The following VPS13D variants were observed in gnomAD, a reference collection of about 807,000 sequenced individuals.
VPS13D encodes vacuolar protein sorting 13 homolog D.
VPS13D carries 187 observed loss-of-function variants against 461.9 expected under a neutral mutation model. The observed-to-expected ratio is 0.40, with a 90% CI of 0.36 to 0.46. The LOEUF is 0.46. Ranked by LOEUF, VPS13D falls within the 20% of genes least tolerant of loss-of-function variation. The pLI, the probability that VPS13D is intolerant of heterozygous loss-of-function variation, is 0.60. For synonymous variants in VPS13D, 1,951 were observed against 1,986.3 expected, an observed-to-expected ratio of 0.98 and a Z score of 0.47; for missense variants, 4,711 against 5,364.9, an observed-to-expected ratio of 0.88 and a Z score of 3.81.
chr1:12,431,712 C>G (rs1403542529), intron 65 of VPS13D, among the ~76,000 whole-genome samples: 1 of 152,050 alleles, frequency 6.6e-6, no homozygotes, highest in East Asian at 1.9e-4. Context: ...GTTTGTTGCA[C>G]TGAACCAGTC....
intron 35 of VPS13D, among the ~76,000 whole-genome samples, chr1:12,324,205 G>A (rs1418789356): frequency 6.6e-6 from 1 of 152,128 alleles, no homozygotes; most frequent in Non-Finnish European, 1.5e-5. Flanking sequence ...CTTTAGTAGT[G>A]GATAAGAATT....
At chr1:12,477,834 C>A (rs1183447999) in intron 67 of VPS13D, among the ~76,000 whole-genome samples, 1 of 151,902 alleles carries the variant, frequency 6.6e-6, no homozygotes, top group Non-Finnish European at 1.5e-5. Context: ...AGCTAGTAAC[C>A]AGGGTTGGCA....
intron 67 of VPS13D, among the ~76,000 whole-genome samples, chr1:12,469,689 T>C (rs1645538360): frequency 6.6e-6 from 1 of 152,252 alleles, no homozygotes; most frequent in Non-Finnish European, 1.5e-5. Context: ...TCAGCCCTCC[T>C]GGTTTGCTCC....
chr1:12,236,010 G>A (rs548631111), intron 2 of VPS13D, among the ~76,000 whole-genome samples: 1 of 152,318 alleles, frequency 6.6e-6, no homozygotes, highest in South Asian at 2.1e-4. Context: ...GTGTTACAGA[G>A]TCGTACTAAC....
At chr1:12,275,026 C>T (rs901471436) in intron 18 of VPS13D, among the ~76,000 whole-genome samples, 13 of 152,214 alleles carry the variant, frequency 8.5e-5, no homozygotes, top group African/African-American at 2.6e-4. Context: ...CGAGACCAGT[C>T]TGGCCAACAT....
At chr1:12,382,294 G>A (rs1644293554) in intron 57 of VPS13D, among the ~76,000 whole-genome samples, 1 of 152,034 alleles carries the variant, frequency 6.6e-6, no homozygotes, top group African/African-American at 2.4e-5. Context: ...TAGAGATAGG[G>A]TTTCACCATG....
At chr1:12,381,921 CTTTTCTTT>C (rs1288958507) in intron 57 of VPS13D, among the ~76,000 whole-genome samples, 9 of 80,896 alleles carry the variant, frequency 1.1e-4, no homozygotes, top group East Asian at 2.7e-4. Context: ...TCTTTCTTTT[CTTTTCTTT>C]CTTTCTTTCT....
At chr1:12,479,991 C>G (rs1410882163) in intron 67 of VPS13D, among the ~76,000 whole-genome samples, 1 of 152,152 alleles carries the variant, frequency 6.6e-6, no homozygotes, top group African/African-American at 2.4e-5. Flanking sequence ...TCAAGGGCCT[C>G]TTTGGGCCAA....
Position 12,506,865 on chromosome 1 carries a change from G to A in VPS13D, c.12807G>A (p.Val4269=). 1.2e-6 allele frequency: 2 copies of A among 1,614,226 alleles called. No homozygotes were observed. The highest frequency in any genetic ancestry group is 1.7e-6 in the Non-Finnish European group (2 of 1,180,008). The change falls in exon 69 of 70, where the codon GTG becomes GTA. Residue 4269 remains valine, a synonymous_variant. Transcript: ENST00000620676. ...DNIQDEFFIA[V]ENIDSYCVLI... ...TCTCGCTTTGCAGCTTCATCGCTGT[G>A]GAGAACATTGACAGCTACTGCGTGC... is the stretch of plus-strand genomic sequence containing the variant.
At chr1:12,292,494 C>CAGT (rs1327708720) in intron 23 of VPS13D, among the ~76,000 whole-genome samples, 6 of 135,892 alleles carry the variant, frequency 4.4e-5, no homozygotes, top group African/African-American at 1.1e-4. Flanking sequence ...GACTGGAGTG[C>CAGT]AGTAGTGTGA....
intron 68 of VPS13D, among the ~76,000 whole-genome samples, chr1:12,501,250 C>T (rs184829850): frequency 3.3e-5 from 5 of 152,178 alleles, no homozygotes; most frequent in Non-Finnish European, 7.4e-5. Context: ...ATTCTAATAG[C>T]ATATCATTAT....
chr1:12,289,052 G>A (rs1642052045), intron 22 of VPS13D, among the ~76,000 whole-genome samples: 1 of 152,082 alleles, frequency 6.6e-6, no homozygotes, highest in African/African-American at 2.4e-5. Flanking sequence ...GTGTTGGCCA[G>A]GCTATTCTCG....
chr1:12,318,457 T>C, intron 31 of VPS13D, 120 bp downstream of exon 31: 2 of 1,285,324 alleles, frequency 1.6e-6, no homozygotes, highest in Non-Finnish European at 2.1e-6. Context: ...CACATTTGCC[T>C]CTTTTACAGA....
chr1:12,313,993 G>C (rs1399445971), intron 29 of VPS13D, 122 bp from the exon 30 acceptor site: 2 of 794,330 alleles, frequency 2.5e-6, no homozygotes, highest in Non-Finnish European at 4.0e-6. Flanking sequence ...CAGAATGAAA[G>C]TTATTCTCCT....
Position 12,502,062 on chromosome 1 carries a change from C to G in VPS13D, c.12794+4431C>G, listed in dbSNP as rs1405514695. 2.0e-5 allele frequency among the ~76,000 whole-genome samples: 3 copies of G among 152,232 alleles called. No individual in the cohort carries two copies. The South Asian group carries it at 6.2e-4, about 32-fold the overall frequency. On this transcript the variant is annotated intron_variant, in intron 68 of 69. Coordinates refer to ENST00000620676, the MANE Select transcript of VPS13D (RefSeq NM_015378.4). The surrounding 1 kb of genome is among the most constrained non-coding windows in gnomAD (Gnocchi z 4.3). ...CCCAGGCCTGTTGCTGAAGGCTGAC[C>G]TTAGTGGTCATGCCGAGGAGCTTGC...
At position 12,400,333 on chromosome 1, in the gene VPS13D, GGGCTGGTGGAGGA is replaced by G; in HGVS notation, c.11784+13_11784+25del. On this transcript the variant is annotated splice_donor_5th_base_variant and intron_variant, in intron 61 of 69. Coordinates refer to ENST00000620676, the MANE Select transcript of VPS13D (RefSeq NM_015378.4). The stretch of plus-strand genomic sequence containing the variant: ...GTGCACTGACCAACATCTACAAGGT[GGGCTGGTGGAGGA>G]GGCTGGTGGGTTGATGCCATGCTGG... 6.2e-7 allele frequency: 1 copy of G among 1,613,926 alleles called. No homozygotes were observed. Among genetic ancestry groups the G allele is most frequent in the Non-Finnish European group, 8.5e-7 (1 of 1,179,926 alleles).
rs1392802629 is a variant in VPS13D, at chr1:12,509,199, T to C, written c.*175T>C. 1.3e-6 allele frequency: 1 copy of C among 754,096 alleles called. No individual in the cohort carries two copies. The highest frequency in any genetic ancestry group is 2.8e-5 in the East Asian group (1 of 35,488). The allele number at this position is 754,096 out of a possible 1,614,324, so 46.7% of individuals were successfully genotyped here. Reference sequence around the variant, plus strand: ...AGTACAAATGGAAATCGTATTAATTTGTGAGGCAGGGAGTTATTTTAGATT... The same window carrying C: ...AGTACAAATGGAAATCGTATTAATTCGTGAGGCAGGGAGTTATTTTAGATT... On this transcript the variant is annotated 3_prime_UTR_variant, in exon 70 of 70. Coordinates refer to ENST00000620676, the MANE Select transcript of VPS13D (RefSeq NM_015378.4).
intron 67 of VPS13D, among the ~76,000 whole-genome samples, chr1:12,481,436 G>A (rs1469434544): frequency 6.6e-6 from 1 of 152,158 alleles, no homozygotes; most frequent in Non-Finnish European, 1.5e-5. Flanking sequence ...CGATTTCCAG[G>A]CTTGTAGAGG....
intron 59 of VPS13D, 41 bp from the exon 60 acceptor site, chr1:12,386,144 G>A (rs1644348469): frequency 1.3e-6 from 2 of 1,586,976 alleles, no homozygotes; most frequent in East Asian, 2.2e-5. Context: ...TGTGAGCTGT[G>A]TTTAAAACAA....
Sources: gnomAD v4.1 joint callset for allele counts (sites outside exome capture counted in the v4.1 genomes callset) on GRCh38, gnomAD v4.1.1 for gene constraint, Gnocchi (gnomAD v3.1) non-coding constraint, MANE v1.5 for transcripts, NCBI Gene and HGNC (gene_info 2026-07-23, HGNC 2026-07-21) for gene names.